The following KAT2B variants were observed in gnomAD, a reference collection of about 807,000 sequenced individuals.
KAT2B encodes the protein histone acetyltransferase KAT2B.
A neutral mutation model predicts 105.9 loss-of-function variants in KAT2B; 36 were observed. That is an observed-to-expected ratio of 0.34 (90% CI 0.26 to 0.45). The LOEUF (loss-of-function observed/expected upper bound fraction) is 0.45, where lower values mean the gene tolerates loss of function less well. KAT2B is among the 20% of genes least tolerant of loss of function. KAT2B has a pLI of 1.00. For synonymous variants in KAT2B, 397 were observed against 377.9 expected, an observed-to-expected ratio of 1.05 and a Z score of -0.59; for missense variants, 820 against 1,021.6, an observed-to-expected ratio of 0.80 and a Z score of 2.69.
At chr3:20,062,784 G>C (rs1698160773) in intron 1 of KAT2B, among the ~76,000 whole-genome samples, 1 of 151,874 alleles carries the variant, frequency 6.6e-6, no homozygotes, top group South Asian at 2.1e-4. Context: ...TATTAATGAT[G>C]TTGAGCATCT....
chr3:20,130,015 T>A (rs1045462333), intron 11 of KAT2B, among the ~76,000 whole-genome samples: 6 of 152,152 alleles, frequency 3.9e-5, no homozygotes, highest in African/African-American at 1.4e-4. Flanking sequence ...AGTCTTGCTC[T>A]TTTGCTCTGG....
chr3:20,059,384 TC>T (rs1307298996), intron 1 of KAT2B, among the ~76,000 whole-genome samples: 1 of 107,920 alleles, frequency 9.3e-6, no homozygotes, highest in East Asian at 3.0e-4. Flanking sequence ...GCCACTGTAC[TC>T]CAGCCTGGGC....
chr3:20,122,718 C>A lies in KAT2B; in HGVS notation c.1327C>A (p.Pro443Thr). 6.2e-7 allele frequency: 1 copy of A among 1,614,010 alleles called. No homozygotes were observed. Among genetic ancestry groups the A allele is most frequent in the Middle Eastern group, 1.6e-4 (1 of 6,062 alleles). Residue 443 changes from proline to threonine, a missense_variant, in exon 9 of 18, where the codon CCC (proline) becomes ACC (threonine). This residue lies in a region of KAT2B where 225 missense variants were observed against 268.1 expected (regional missense o/e 0.84). Transcript: ENST00000263754. ...TCATGTTCTGGAGGAGGCCAAGAAA[C>A]CCCGAGTTATGGGGGATATTCCGAT... ...DSHVLEEAKKPRVMGDIPMEL... is the reference protein window; with the variant it reads ...DSHVLEEAKKTRVMGDIPMEL...
At chr3:20,062,309 A>ATATATAAAATATAATATAT (rs1698147192) in intron 1 of KAT2B, among the ~76,000 whole-genome samples, 1 of 81,356 alleles carries the variant, frequency 1.2e-5, no homozygotes, top group East Asian at 3.3e-4. Context: ...ATAAAATATA[A>ATATATAAAATATAATATAT]TATATATAAA....
At chr3:20,054,160 C>T (rs1697965130) in intron 1 of KAT2B, among the ~76,000 whole-genome samples, 1 of 150,186 alleles carries the variant, frequency 6.7e-6, no homozygotes, top group South Asian at 2.1e-4. Context: ...GACGGTGTCT[C>T]GCTCTGTCAC....
chr3:20,124,998 A>G (rs1699373888), intron 9 of KAT2B, among the ~76,000 whole-genome samples: 1 of 152,136 alleles, frequency 6.6e-6, no homozygotes, highest in Non-Finnish European at 1.5e-5. Flanking sequence ...TTCTCTGGAA[A>G]GAAAACTGTT....
intron 2 of KAT2B, among the ~76,000 whole-genome samples, chr3:20,095,048 G>A (rs1308167058): frequency 6.6e-6 from 1 of 152,082 alleles, no homozygotes; most frequent in Non-Finnish European, 1.5e-5. Context: ...ACGTTGGGTG[G>A]GGAGGCTAAG....
chr3:20,069,048 A>G (rs1698273310), intron 1 of KAT2B, among the ~76,000 whole-genome samples: 1 of 152,164 alleles, frequency 6.6e-6, no homozygotes, highest in Non-Finnish European at 1.5e-5. Flanking sequence ...TTTTCCCTTT[A>G]CCATTTTAGG....
Position 20,146,406 on chromosome 3 carries a change from C to G in KAT2B, c.2095C>G (p.Pro699Ala). Residue 699 changes from proline (P) to alanine (A), a missense_variant, in exon 14 of 18, where the codon CCT (proline) becomes GCT (alanine). Transcript: ENST00000263754. ...SCFKDGVRQI[P>A]IESIPGIRET... Reference sequence around the variant, plus strand: ...TTTTAAAGATGGAGTTCGACAGATTCCTATAGAAAGCATTCCTGGAATTAG... The same window carrying G: ...TTTTAAAGATGGAGTTCGACAGATTGCTATAGAAAGCATTCCTGGAATTAG... 6.2e-7 allele frequency: 1 copy of G among 1,611,136 alleles called. No homozygotes were observed. The highest frequency in any genetic ancestry group is 8.5e-7 in the Non-Finnish European group (1 of 1,177,458).
At chr3:20,048,212 G>T (rs888072162) in intron 1 of KAT2B, among the ~76,000 whole-genome samples, 4 of 152,188 alleles carry the variant, frequency 2.6e-5, no homozygotes, top group Non-Finnish European at 4.4e-5. Context: ...CAAAAAGCCT[G>T]AGAGAAAGAT....
chr3:20,049,283 G>A (rs958526500), intron 1 of KAT2B, among the ~76,000 whole-genome samples: 2 of 152,118 alleles, frequency 1.3e-5, no homozygotes, highest in East Asian at 1.9e-4. Flanking sequence ...TGGAACCTAG[G>A]CATTCCACAA....
At chr3:20,090,422 A>C (rs1447213881) in intron 2 of KAT2B, among the ~76,000 whole-genome samples, 1 of 152,116 alleles carries the variant, frequency 6.6e-6, no homozygotes, top group East Asian at 1.9e-4. Flanking sequence ...AAGGATGTTG[A>C]ATTTTGTCAA....
In KAT2B at chr3:20,154,346, AAATT is replaced by A. The variant is rs1699914642; in HGVS notation, c.*1825_*1828del. 6.6e-6 allele frequency: 1 copy of A among 152,622 alleles called. No homozygotes were observed. Among genetic ancestry groups the A allele is most frequent in the East Asian group, 1.9e-4 (1 of 5,206 alleles). The allele number at this position is 152,622 out of a possible 1,614,324, so 9.5% of individuals were successfully genotyped here. ...AGCTGATAAAAATTTTACATTTGTA[AAATT>A]AATATATTGTACTGGTACAAAATAG... is the stretch of plus-strand genomic sequence containing the variant. On this transcript the variant is annotated 3_prime_UTR_variant, in exon 18 of 18. Coordinates refer to ENST00000263754, the MANE Select transcript of KAT2B (RefSeq NM_003884.5).
At chr3:20,135,425 C>A (rs77271589) in intron 11 of KAT2B, among the ~76,000 whole-genome samples, 4 of 152,032 alleles carry the variant, frequency 2.6e-5, no homozygotes, top group African/African-American at 4.8e-5. Flanking sequence ...GAGGCCGAGA[C>A]GGGCAGATCA....
At chr3:20,059,607 A>C (rs1698064681) in intron 1 of KAT2B, among the ~76,000 whole-genome samples, 1 of 151,994 alleles carries the variant, frequency 6.6e-6, no homozygotes, top group South Asian at 2.1e-4. Flanking sequence ...TGGGAGGCTG[A>C]GGCAGGAGAA....
intron 17 of KAT2B, among the ~76,000 whole-genome samples, chr3:20,149,339 G>C (rs1699828662): frequency 6.6e-6 from 1 of 150,872 alleles, no homozygotes. Context: ...TCTACAAAAA[G>C]TAAAAAATTA....
At chr3:20,044,455 T>C (rs866471260) in intron 1 of KAT2B, among the ~76,000 whole-genome samples, 13 of 152,182 alleles carry the variant, frequency 8.5e-5, no homozygotes, top group Middle Eastern at 3.4e-3. Flanking sequence ...AAAGTAGATC[T>C]GACCATGTTA....
intron 4 of KAT2B, among the ~76,000 whole-genome samples, chr3:20,100,663 ACT>A (rs1397878959): frequency 4.6e-5 from 7 of 152,070 alleles, no homozygotes; most frequent in African/African-American, 1.7e-4. Context: ...TTGCCTCCAA[ACT>A]CTATTAAATA....
intron 5 of KAT2B, 101 bp from the exon 6 acceptor site, chr3:20,111,495 T>C (rs1224557146): frequency 4.1e-6 from 4 of 981,222 alleles, no homozygotes; most frequent in Non-Finnish European, 6.0e-6. Context: ...GGCCTAGTTT[T>C]TTTCTGCTAT....
Sources: allele counts gnomAD v4.1 joint callset (sites outside exome capture counted in the v4.1 genomes callset), GRCh38; gene constraint gnomAD v4.1.1; regional missense constraint gnomAD v4.1.1; transcripts MANE v1.5; gene names NCBI Gene and HGNC (gene_info 2026-07-23, HGNC 2026-07-21).